Variants in THSD7B observed in about 807,000 individuals in gnomAD.
The protein encoded by THSD7B is thrombospondin type 1 domain containing 7B, also known as thrombospondin type-1 domain-containing protein 7B.
THSD7B carries 138 observed loss-of-function variants against 213.6 expected under a neutral mutation model. The ratio of observed to expected loss-of-function variants is 0.65; its 90% CI spans 0.56 to 0.74. The LOEUF (loss-of-function observed/expected upper bound fraction) is 0.74, where lower values mean the gene tolerates loss of function less well. Among genes scored for constraint, THSD7B ranks in the 30% least tolerant of loss-of-function variants. The pLI is 0.00. For missense variants in THSD7B, 1,931 were observed against 1,991.5 expected, an observed-to-expected ratio of 0.97 and a Z score of 0.58; for synonymous variants, 742 against 687.0, an observed-to-expected ratio of 1.08 and a Z score of -1.25.
chr2:137,506,166 C>G (rs1679828987), intron 15 of THSD7B, among the ~76,000 whole-genome samples: 1 of 152,126 alleles, frequency 6.6e-6, no homozygotes, highest in Non-Finnish European at 1.5e-5. Flanking sequence ...CAAAGCAAAG[C>G]ATACCCTTCA....
intron 2 of THSD7B, among the ~76,000 whole-genome samples, chr2:136,988,648 A>T (rs557127607): frequency 1.3e-5 from 2 of 152,302 alleles, no homozygotes; most frequent in South Asian, 2.1e-4. Context: ...GAAACTTATC[A>T]CTTGAGAAGT....
intron 15 of THSD7B, among the ~76,000 whole-genome samples, chr2:137,473,759 A>C (rs1172859520): frequency 6.6e-6 from 1 of 152,202 alleles, no homozygotes; most frequent in Non-Finnish European, 1.5e-5. Context: ...CAAATGTCTG[A>C]GAGGTTTTTA....
chr2:137,527,813 T>G (rs995287), intron 15 of THSD7B, among the ~76,000 whole-genome samples: 89,537 of 151,858 alleles, frequency 0.59, 27,536 homozygotes, highest in African/African-American at 0.77. Flanking sequence ...TGGAGGATAT[T>G]AGGACAGCAC....
At chr2:137,554,080 A>G (rs1373800035) in intron 15 of THSD7B, among the ~76,000 whole-genome samples, 1 of 151,026 alleles carries the variant, frequency 6.6e-6, no homozygotes, top group Non-Finnish European at 1.5e-5. Context: ...TCAATGACAT[A>G]GTGAGATTGC....
At chr2:137,432,685 A>T (rs964574100) in intron 14 of THSD7B, among the ~76,000 whole-genome samples, 4 of 152,102 alleles carry the variant, frequency 2.6e-5, no homozygotes, top group South Asian at 2.1e-4. Context: ...ACTTCCTCTC[A>T]CTGTTCCCCA....
chr2:136,901,992 C>G (rs1195618851), intron 2 of THSD7B, among the ~76,000 whole-genome samples: 2 of 152,166 alleles, frequency 1.3e-5, no homozygotes, highest in Non-Finnish European at 2.9e-5. Context: ...AAGCAGTGTT[C>G]AGAATGAATT....
chr2:136,922,322 CA>C (rs1422925119), intron 2 of THSD7B, among the ~76,000 whole-genome samples: 1 of 152,200 alleles, frequency 6.6e-6, no homozygotes, highest in Non-Finnish European at 1.5e-5. Context: ...CACCTGATTC[CA>C]ATGGGAACAT....
chr2:137,086,685 A>G (rs1249081441), intron 3 of THSD7B, among the ~76,000 whole-genome samples: 3 of 152,236 alleles, frequency 2.0e-5, no homozygotes, highest in African/African-American at 7.2e-5. Flanking sequence ...GTCAAACAGT[A>G]TGGACCAATT....
At position 137,301,886 on chromosome 2, in the gene THSD7B, T is replaced by A. The variant is rs370270156; in HGVS notation, c.2500+25860T>A. ...TTTGATTTTTACTCAGTGAAATGGA[T>A]GGCTTTTGAAAGCTTTATACAGAAG... On this transcript the variant is annotated intron_variant, in intron 12 of 27. Coordinates refer to ENST00000409968, the MANE Select transcript of THSD7B (RefSeq NM_001316349.2). 7.9e-5 allele frequency among the ~76,000 whole-genome samples: 12 copies of A among 152,250 alleles called. No individual in the cohort carries two copies. The East Asian group carries it at 2.3e-3, about 29-fold the overall frequency.
At chr2:137,286,696 T>C (rs537962429) in intron 12 of THSD7B, among the ~76,000 whole-genome samples, 1 of 151,544 alleles carries the variant, frequency 6.6e-6, no homozygotes, top group East Asian at 2.1e-4. Flanking sequence ...TTATTTTGGG[T>C]ATGGGAGGAG....
chr2:137,538,464 A>G (rs186759621), intron 15 of THSD7B: 2 of 515,258 alleles, frequency 3.9e-6, no homozygotes, highest in South Asian at 1.4e-5. Context: ...CTTATCATGC[A>G]CTGCTAACAT....
chr2:136,999,871 C>T (rs753188894), intron 2 of THSD7B, among the ~76,000 whole-genome samples: 14 of 152,218 alleles, frequency 9.2e-5, no homozygotes, highest in East Asian at 3.9e-4. Flanking sequence ...CCTGTGCTAA[C>T]GTGTTCAATT....
intron 5 of THSD7B, among the ~76,000 whole-genome samples, chr2:137,126,813 C>A (rs1017044932): frequency 2.0e-5 from 3 of 152,162 alleles, no homozygotes; most frequent in Non-Finnish European, 4.4e-5. Context: ...TATGACTCTT[C>A]CTTTCACTTG....
chr2:137,487,139 C>T (rs1389227620), intron 15 of THSD7B, among the ~76,000 whole-genome samples: 23 of 149,816 alleles, frequency 1.5e-4, no homozygotes, highest in Admixed American at 2.6e-4. Context: ...GAGGCCGAGG[C>T]GGGTGGATCA....
intron 2 of THSD7B, among the ~76,000 whole-genome samples, chr2:136,884,709 T>G (rs974790242): frequency 4.6e-5 from 7 of 152,248 alleles, no homozygotes; most frequent in African/African-American, 1.7e-4. Flanking sequence ...GATATATTGA[T>G]GAATATTACA....
chr2:137,289,501 A>G (rs1325309173), intron 12 of THSD7B, among the ~76,000 whole-genome samples: 2 of 152,086 alleles, frequency 1.3e-5, no homozygotes, highest in Admixed American at 1.3e-4. Context: ...CGTAGGGGCA[A>G]TTTTTAAAAA....
intron 12 of THSD7B, among the ~76,000 whole-genome samples, chr2:137,369,549 T>C (rs1019476309): frequency 2.0e-5 from 3 of 152,142 alleles, no homozygotes; most frequent in African/African-American, 7.2e-5. Flanking sequence ...GGGGGTTGAG[T>C]GTGCTAAAAG....
chr2:136,873,686 T>C (rs76287460), intron 1 of THSD7B, among the ~76,000 whole-genome samples: 2,941 of 152,270 alleles, frequency 0.019, 46 homozygotes, highest in East Asian at 0.072. Flanking sequence ...TTCTGACTTT[T>C]GAGAAAACAA....
intron 5 of THSD7B, among the ~76,000 whole-genome samples, chr2:137,129,921 TG>T (rs1688698190): frequency 6.6e-6 from 1 of 152,302 alleles, no homozygotes; most frequent in South Asian, 2.1e-4. Context: ...TGAGCATTAG[TG>T]GGAAAATGTA....
Sources: gnomAD v4.1 joint callset for allele counts (sites outside exome capture counted in the v4.1 genomes callset) on GRCh38, gnomAD v4.1.1 for gene constraint, MANE v1.5 for transcripts, NCBI Gene and HGNC (gene_info 2026-07-23, HGNC 2026-07-21) for gene names.